EXOC6B: variants seen among roughly 807,000 people sequenced by gnomAD.
EXOC6B encodes the protein exocyst complex component 6B.
In EXOC6B, 54 loss-of-function variants were observed where a neutral mutation model predicts 113.5. That is an observed-to-expected ratio of 0.48 (90% CI 0.38 to 0.60). The LOEUF is 0.60. Among genes scored for constraint, EXOC6B ranks in the 20% least tolerant of loss-of-function variants. The pLI is 0.00. For missense variants in EXOC6B, 797 were observed against 977.5 expected (o/e 0.82, Z 2.46); for synonymous variants, 357 against 339.0 (o/e 1.05, Z -0.58).
At chr2:72,340,772 G>A (rs750162636) in intron 19 of EXOC6B, among the ~76,000 whole-genome samples, 15 of 152,142 alleles carry the variant, frequency 9.9e-5, no homozygotes, top group Non-Finnish European at 1.5e-4. Flanking sequence ...TTAACATAAC[G>A]GTTTCCTGGT....
At chr2:72,331,055 A>G (rs779043457) in intron 20 of EXOC6B, among the ~76,000 whole-genome samples, 4 of 152,130 alleles carry the variant, frequency 2.6e-5, no homozygotes, top group Non-Finnish European at 5.9e-5. Flanking sequence ...TTTGAGCTTC[A>G]TAAGTAGTTC....
At chr2:72,208,608 G>C (rs891342383) in intron 20 of EXOC6B, among the ~76,000 whole-genome samples, 10 of 152,100 alleles carry the variant, frequency 6.6e-5, no homozygotes, top group Non-Finnish European at 1.0e-4. Context: ...ACCCAGTAAA[G>C]GGATTGCTGG....
chr2:72,435,264 GGA>G (rs1695782422), intron 18 of EXOC6B, among the ~76,000 whole-genome samples: 1 of 152,032 alleles, frequency 6.6e-6, no homozygotes, highest in African/African-American at 2.4e-5. Context: ...TGCTATGGTC[GGA>G]GAGACTGTTT....
chr2:72,268,522 T>C (rs1684278564), intron 20 of EXOC6B, among the ~76,000 whole-genome samples: 1 of 152,106 alleles, frequency 6.6e-6, no homozygotes, highest in Admixed American at 6.5e-5. Flanking sequence ...TGTACGTAAG[T>C]TGGAAAATAT....
chr2:72,571,689 T>C (rs976242379), intron 7 of EXOC6B, among the ~76,000 whole-genome samples: 2 of 152,198 alleles, frequency 1.3e-5, no homozygotes, highest in African/African-American at 4.8e-5. Flanking sequence ...AACATGTAAG[T>C]TGTTTTTTCA....
At chr2:72,593,732 A>G (rs1706131438) in intron 6 of EXOC6B, among the ~76,000 whole-genome samples, 1 of 152,132 alleles carries the variant, frequency 6.6e-6, no homozygotes, top group South Asian at 2.1e-4. Flanking sequence ...AAGGCAAAAC[A>G]GCACTACAAA....
In EXOC6B at chr2:72,401,588, T is replaced by C. The variant is rs1481580427; in HGVS notation, c.1981-21718A>G. On this transcript the variant is annotated intron_variant, in intron 18 of 21. Coordinates refer to ENST00000272427, the MANE Select transcript of EXOC6B (RefSeq NM_015189.3). ...ATACATATATATATATATACATATA[T>C]ATATATATATATATGTGTATATATA... Among the ~76,000 whole-genome samples the C allele has an allele frequency of 3.1e-4, 13 of 41,744 alleles. 1 individual carries two copies. The highest frequency in any genetic ancestry group is 8.5e-4 in the African/African-American group (3 of 3,512). The allele number at this position is 41,744 out of a possible 152,430, so 27.4% of individuals were successfully genotyped here.
chr2:72,796,560 A>C (rs1400072225), intron 1 of EXOC6B, among the ~76,000 whole-genome samples: 1 of 151,852 alleles, frequency 6.6e-6, no homozygotes, highest in African/African-American at 2.4e-5. Flanking sequence ...TATTTTATTC[A>C]TCTTTCTATC....
chr2:72,526,587 C>T (rs1033087254), intron 8 of EXOC6B, among the ~76,000 whole-genome samples: 6 of 151,814 alleles, frequency 4.0e-5, no homozygotes, highest in South Asian at 2.1e-4. Context: ...GGGGAAATCT[C>T]GTATAAATAA....
At chr2:72,370,230 A>C (rs1396101986) in intron 19 of EXOC6B, among the ~76,000 whole-genome samples, 1 of 152,256 alleles carries the variant, frequency 6.6e-6, no homozygotes, top group Non-Finnish European at 1.5e-5. Flanking sequence ...TCAAAAGAAG[A>C]CATTGATGCA....
chr2:72,738,306 A>G (rs1055965815), intron 2 of EXOC6B, among the ~76,000 whole-genome samples: 2 of 152,176 alleles, frequency 1.3e-5, no homozygotes, highest in African/African-American at 4.8e-5. Context: ...AGTGACTAGA[A>G]CTACCAACTA....
At chr2:72,343,379 A>G (rs750904667) in intron 19 of EXOC6B, among the ~76,000 whole-genome samples, 1 of 152,208 alleles carries the variant, frequency 6.6e-6, no homozygotes, top group Non-Finnish European at 1.5e-5. Flanking sequence ...GTGAGCCAAG[A>G]TCGTGCCACT....
At chr2:72,262,128 CA>C (rs1683767439) in intron 20 of EXOC6B, among the ~76,000 whole-genome samples, 2 of 152,206 alleles carry the variant, frequency 1.3e-5, no homozygotes, top group South Asian at 4.2e-4. Context: ...ATATGGATAA[CA>C]GAGTTTTTGT....
Position 72,621,359 on chromosome 2 carries a change from A to G in EXOC6B, c.670-45691T>C, listed in dbSNP as rs144276248. Among the ~76,000 whole-genome samples, 130 of 152,318 alleles carry G rather than the reference A, an allele frequency of 8.5e-4. 2 individuals carry two copies. In the East Asian group the frequency reaches 0.02, roughly 23 times the overall value. ...ATGAAATTACTACCTTTACAGCAAC[A>G]TGGATGGAGCTGGAGGCCATAATCC... On this transcript the variant is annotated intron_variant, in intron 6 of 21. Transcript: ENST00000272427.
intron 20 of EXOC6B, among the ~76,000 whole-genome samples, chr2:72,193,201 C>G (rs1326549596): frequency 6.6e-6 from 1 of 152,160 alleles, no homozygotes; most frequent in African/African-American, 2.4e-5. Context: ...AGGCATGACA[C>G]CAAATCTGTT....
Position 72,294,240 on chromosome 2 carries a change from A to G in EXOC6B, c.2196+40707T>C, listed in dbSNP as rs566061997. On this transcript the variant is annotated intron_variant, in intron 20 of 21. Coordinates refer to ENST00000272427, the MANE Select transcript of EXOC6B (RefSeq NM_015189.3). Reference sequence around the variant, plus strand: ...TAAACAGAAAGAAAAGATGGTTTGTATGGGGAGGCCTAAGAATTTAATGAA... The same window carrying G: ...TAAACAGAAAGAAAAGATGGTTTGTGTGGGGAGGCCTAAGAATTTAATGAA... Among the ~76,000 whole-genome samples, 12 of 152,300 alleles carry G rather than the reference A, an allele frequency of 7.9e-5. No individual in the cohort carries two copies. In the South Asian group the frequency reaches 2.5e-3, roughly 32 times the overall value.
At chr2:72,601,124 ATGTGTGTGTGTGTGTGTGTGTGTG>A (rs61668760) in intron 6 of EXOC6B, among the ~76,000 whole-genome samples, 1 of 138,680 alleles carries the variant, frequency 7.2e-6, no homozygotes, top group Non-Finnish European at 1.5e-5. Flanking sequence ...GTGTGTGTGT[ATGTGTGTGTGTGTGTGTGTGTGTG>A]TGTGTGTGTG....
chr2:72,718,322 G>T lies in EXOC6B; in HGVS notation c.465-15C>A. On this transcript the variant is annotated splice_polypyrimidine_tract_variant and intron_variant, in intron 5 of 21. Transcript: ENST00000272427. The stretch of plus-strand genomic sequence containing the variant: ...CAGGATAATGCCTACAAAAGGAATT[G>T]ATCACCTTTAGCTCACTCAGTTTTC... The T allele has an allele frequency of 6.2e-7, 1 of 1,611,602 alleles. No homozygotes were observed. The highest frequency in any genetic ancestry group is 1.1e-5 in the South Asian group (1 of 90,822).
intron 8 of EXOC6B, among the ~76,000 whole-genome samples, chr2:72,532,690 CA>C (rs2105760592): frequency 6.6e-6 from 1 of 152,164 alleles, no homozygotes; most frequent in South Asian, 2.1e-4. Flanking sequence ...CGCCTGTAAT[CA>C]CAGCTACTCT....
Sources: gnomAD v4.1 joint callset for allele counts (sites outside exome capture counted in the v4.1 genomes callset) on GRCh38, gnomAD v4.1.1 for gene constraint, MANE v1.5 for transcripts, NCBI Gene and HGNC (gene_info 2026-07-23, HGNC 2026-07-21) for gene names.